The following SPMIP2 variants were observed in gnomAD, a reference collection of about 807,000 sequenced individuals.
SPMIP2 encodes protein SPMIP2.
At chr4:158,944,903 C>T in the SPMIP2 span, among the ~76,000 whole-genome samples, 1 of 152,216 alleles carries the variant, frequency 6.6e-6, no homozygotes, top group Admixed American at 6.5e-5. Flanking sequence ...GCCCTGCTCA[C>T]ATCTATCTTC....
chr4:159,070,046 C>T, the SPMIP2 span, among the ~76,000 whole-genome samples: 1 of 144,902 alleles, frequency 6.9e-6, no homozygotes, highest in Non-Finnish European at 1.5e-5. Context: ...AGGTGGTACA[C>T]TTTTTTTTTT....
the SPMIP2 span, among the ~76,000 whole-genome samples, chr4:159,082,467 G>GTGTGTGTGTGTGTGTGTGTTTA: frequency 6.7e-6 from 1 of 149,284 alleles, no homozygotes; most frequent in Admixed American, 6.7e-5. Flanking sequence ...GTGTGTGTGT[G>GTGTGTGTGTGTGTGTGTGTTTA]TGTGTGTGTG....
At chr4:158,987,806 A>T in the SPMIP2 span, among the ~76,000 whole-genome samples, 3 of 151,950 alleles carry the variant, frequency 2.0e-5, no homozygotes, top group Non-Finnish European at 4.4e-5. Flanking sequence ...TAAAATAAAA[A>T]TTGACACCCT....
chr4:158,904,728 C>T, the SPMIP2 span: 1 of 582,056 alleles, frequency 1.7e-6, no homozygotes, highest in Non-Finnish European at 3.1e-6. Context: ...GTTTACTTGA[C>T]ATAATAGCAT....
chr4:158,979,813 TTC>T, the SPMIP2 span, among the ~76,000 whole-genome samples: 1 of 138,974 alleles, frequency 7.2e-6, no homozygotes, highest in African/African-American at 2.7e-5. Context: ...TTTTTTTTTT[TTC>T]ATACCCCAGT....
the SPMIP2 span, among the ~76,000 whole-genome samples, chr4:159,056,733 A>G: frequency 6.6e-6 from 1 of 152,194 alleles, no homozygotes; most frequent in Non-Finnish European, 1.5e-5. Flanking sequence ...AGAATTTGAT[A>G]GGGAAAATAG....
chr4:159,030,463 T>TTTTATTTA, the SPMIP2 span, among the ~76,000 whole-genome samples: 79 of 142,406 alleles, frequency 5.5e-4, no homozygotes, highest in Middle Eastern at 3.5e-3. Context: ...GAAAGCAAAA[T>TTTTATTTA]TTTATTTATT....
chr4:159,037,013 T>C, the SPMIP2 span, among the ~76,000 whole-genome samples: 1 of 152,212 alleles, frequency 6.6e-6, no homozygotes, highest in Non-Finnish European at 1.5e-5. Context: ...GTTTTAAGGA[T>C]GCTGAGAAGA....
At chr4:159,056,583 C>T in the SPMIP2 span, among the ~76,000 whole-genome samples, 10 of 152,200 alleles carry the variant, frequency 6.6e-5, no homozygotes, top group South Asian at 4.1e-4. Context: ...TTCCAAAGGA[C>T]GTGACTCTTG....
chr4:159,058,822 A>T, the SPMIP2 span, among the ~76,000 whole-genome samples: 1 of 152,248 alleles, frequency 6.6e-6, no homozygotes, highest in Non-Finnish European at 1.5e-5. Flanking sequence ...ATGAAATAAT[A>T]CAAGAATAAC....
At chr4:159,058,529 A>C in the SPMIP2 span, among the ~76,000 whole-genome samples, 3 of 152,206 alleles carry the variant, frequency 2.0e-5, no homozygotes, top group Non-Finnish European at 4.4e-5. Flanking sequence ...TTCACATTAT[A>C]CTTTTTCAAT....
At chr4:159,029,056 C>T in the SPMIP2 span, among the ~76,000 whole-genome samples, 2 of 152,196 alleles carry the variant, frequency 1.3e-5, no homozygotes, top group African/African-American at 4.8e-5. Context: ...GATCGTGCCA[C>T]TGCACTCCAG....
chr4:158,930,843 C>A, the SPMIP2 span, among the ~76,000 whole-genome samples: 14 of 152,106 alleles, frequency 9.2e-5, no homozygotes, highest in Non-Finnish European at 1.6e-4. Context: ...AGTCATTTTT[C>A]ATTTTCTACT....
chr4:158,982,023 T>A, the SPMIP2 span, among the ~76,000 whole-genome samples: 5 of 151,880 alleles, frequency 3.3e-5, no homozygotes, highest in African/African-American at 9.7e-5. Context: ...AATAAAGGGA[T>A]GGAGGAATAT....
At chr4:159,037,779 AATAT>A in the SPMIP2 span, among the ~76,000 whole-genome samples, 2,939 of 125,276 alleles carry the variant, frequency 0.023, 73 homozygotes, top group African/African-American at 0.066. Flanking sequence ...TCTCAAAAAC[AATAT>A]ATACACACAC....
the SPMIP2 span, among the ~76,000 whole-genome samples, chr4:158,908,743 A>G: frequency 1.3e-5 from 2 of 152,138 alleles, no homozygotes; most frequent in South Asian, 4.1e-4. Flanking sequence ...CTGGAGTGCA[A>G]TGGTGCAATC....
At chr4:158,911,384 A>AAATAAATAAATAAATAAAT in the SPMIP2 span, among the ~76,000 whole-genome samples, 1 of 79,212 alleles carries the variant, frequency 1.3e-5, no homozygotes, top group African/African-American at 6.6e-5. Flanking sequence ...ATAAATAAAT[A>AAATAAATAAATAAATAAAT]AAATAAATAA....
chr4:158,962,729 G>T, the SPMIP2 span, among the ~76,000 whole-genome samples: 1 of 152,140 alleles, frequency 6.6e-6, no homozygotes. Flanking sequence ...GGAGAAAGGG[G>T]ACATAAAGGC....
the SPMIP2 span, among the ~76,000 whole-genome samples, chr4:159,078,213 G>GT: frequency 6.6e-6 from 1 of 152,104 alleles, no homozygotes; most frequent in East Asian, 1.9e-4. Flanking sequence ...TGTATTTTAC[G>GT]TCATGATTCC....
Sources: allele counts gnomAD v4.1 joint callset (sites outside exome capture counted in the v4.1 genomes callset), GRCh38; gene constraint gnomAD v4.1.1; transcripts MANE v1.5; gene names NCBI Gene and HGNC (gene_info 2026-07-23, HGNC 2026-07-21).